BANP: variants seen among roughly 807,000 people sequenced by gnomAD.
The protein encoded by BANP is BTG3 associated nuclear protein.
Under a neutral mutation model 68.1 loss-of-function variants are expected in BANP, and 11 were observed. That is an observed-to-expected ratio of 0.16 (90% CI 0.10 to 0.27). BANP has a LOEUF of 0.27. Ranked by LOEUF, BANP falls within the 10% of genes least tolerant of loss-of-function variation. The probability of loss-of-function intolerance (pLI) is 1.00; values close to 1 mark genes in which losing one functional copy is unlikely to be tolerated. For synonymous variants in BANP, 329 were observed against 303.2 expected (o/e 1.09, Z -0.88); for missense variants, 504 against 722.7 (o/e 0.70, Z 3.47).
intron 6 of BANP, among the ~76,000 whole-genome samples, chr16:88,015,613 G>A (rs536606505): frequency 4.6e-5 from 7 of 152,318 alleles, no homozygotes; most frequent in African/African-American, 9.6e-5. Flanking sequence ...GGGGTCACCC[G>A]TTCTCGTCTG....
At chr16:87,950,450 T>C (rs1253229568), upstream of BANP, 1 of 152,082 alleles carries the variant, frequency 6.6e-6, no homozygotes, top group Non-Finnish European at 1.5e-5. Context: ...CTTTTTTTTT[T>C]TTTGAGACAG....
intron 1 of BANP, among the ~76,000 whole-genome samples, chr16:87,953,023 T>G (rs1170915434): frequency 6.6e-6 from 1 of 152,144 alleles, no homozygotes; most frequent in East Asian, 1.9e-4. Flanking sequence ...CCATTTGTGA[T>G]TCCACGCTGC....
chr16:88,010,780 G>T (rs2072861194), intron 6 of BANP, among the ~76,000 whole-genome samples: 2 of 152,210 alleles, frequency 1.3e-5, no homozygotes, highest in East Asian at 1.9e-4. Context: ...GCTATGCTGT[G>T]CCGATTCACA....
At chr16:88,035,080 T>G (rs1465395982) in intron 9 of BANP, 11 of 512,096 alleles carry the variant, frequency 2.1e-5, no homozygotes, top group Non-Finnish European at 3.9e-5. Flanking sequence ...CCATCCACAG[T>G]TTCTGGCGTC....
chr16:88,063,443 C>G (rs1256274187), intron 11 of BANP, among the ~76,000 whole-genome samples: 1 of 152,218 alleles, frequency 6.6e-6, no homozygotes, highest in East Asian at 1.9e-4. Flanking sequence ...CCACATATGG[C>G]AAACATATGA....
intron 1 of BANP, chr16:87,966,824 A>T (rs2060103647): frequency 6.6e-6 from 1 of 152,336 alleles, no homozygotes; most frequent in Non-Finnish European, 1.5e-5. Context: ...TGGGCTCCAG[A>T]ATACCCTGTT....
intron 11 of BANP, among the ~76,000 whole-genome samples, chr16:88,054,510 A>C (rs568094672): frequency 1.3e-5 from 2 of 151,790 alleles, no homozygotes; most frequent in Non-Finnish European, 2.9e-5. Context: ...GACCTCTACC[A>C]CCATTGTCCC....
intron 8 of BANP, among the ~76,000 whole-genome samples, chr16:88,031,040 C>G (rs537582282): frequency 6.6e-6 from 1 of 152,302 alleles, no homozygotes; most frequent in South Asian, 2.1e-4. Context: ...GGGCTTCAGC[C>G]CAGCTGGGAT....
chr16:88,067,905 A>C (rs1293755947), intron 12 of BANP, among the ~76,000 whole-genome samples: 1 of 152,124 alleles, frequency 6.6e-6, no homozygotes, highest in East Asian at 1.9e-4. Context: ...CCGCAGTTAC[A>C]CGTTGCACGG....
intron 13 of BANP, among the ~76,000 whole-genome samples, chr16:88,074,283 G>A (rs113495676): frequency 2.0e-5 from 3 of 152,186 alleles, no homozygotes; most frequent in Admixed American, 6.5e-5. Flanking sequence ...GCTTGAGCTC[G>A]TTCTAGGAAA....
At chr16:87,960,072 G>T (rs943897568) in intron 1 of BANP, 4 of 152,482 alleles carry the variant, frequency 2.6e-5, no homozygotes, top group African/African-American at 2.4e-5. Flanking sequence ...CTGGGAGACA[G>T]TCCCAAGGGG....
chr16:88,039,882 G>A (rs958226240), intron 11 of BANP, among the ~76,000 whole-genome samples: 9 of 152,170 alleles, frequency 5.9e-5, no homozygotes, highest in African/African-American at 1.9e-4. Context: ...TCATTCCCGG[G>A]TCTTCCGTGG....
At chr16:87,968,995 T>A (rs1317044976) in intron 1 of BANP, among the ~76,000 whole-genome samples, 1 of 152,218 alleles carries the variant, frequency 6.6e-6, no homozygotes, top group East Asian at 1.9e-4. Flanking sequence ...GTCTTCTGTA[T>A]CTTAACCTGG....
chr16:87,950,579 G>T (rs2056713579), upstream of BANP: 1 of 152,070 alleles, frequency 6.6e-6, no homozygotes, highest in Non-Finnish European at 1.5e-5. Flanking sequence ...GGATTACAAG[G>T]CGCCCGCCAC....
chr16:87,956,149 A>T (rs375004343), intron 1 of BANP, among the ~76,000 whole-genome samples: 1 of 152,228 alleles, frequency 6.6e-6, no homozygotes, highest in East Asian at 1.9e-4. Flanking sequence ...ACAAATCCCA[A>T]AAACTCCAGT....
chr16:88,061,315 C>T (rs1033666674), intron 11 of BANP, among the ~76,000 whole-genome samples: 2 of 152,138 alleles, frequency 1.3e-5, no homozygotes, highest in African/African-American at 2.4e-5. Flanking sequence ...CCTTTTTTGG[C>T]CTGAAGGACG....
At chr16:88,067,408 G>A (rs900497123) in intron 12 of BANP, among the ~76,000 whole-genome samples, 3 of 152,206 alleles carry the variant, frequency 2.0e-5, no homozygotes, top group Admixed American at 6.5e-5. Context: ...GAGGAGACTC[G>A]AGCTGGAACC....
chr16:88,008,192 G>A (rs1338734551), intron 6 of BANP, among the ~76,000 whole-genome samples: 1 of 152,168 alleles, frequency 6.6e-6, no homozygotes, highest in East Asian at 1.9e-4. Context: ...GCCGAGGTAT[G>A]GATGGCCCTC....
Position 88,004,925 on chromosome 16 carries a change from G to A in BANP, c.479+514G>A, listed in dbSNP as rs1186836398. Among the ~76,000 whole-genome samples the A allele has an allele frequency of 2.0e-5, 3 of 152,232 alleles. No homozygotes were observed. Among genetic ancestry groups the A allele is most frequent in the Non-Finnish European group, 4.4e-5 (3 of 68,040 alleles). ...CCCCGCTCTGTGTGAGGGGAAGGCTGTGCAGTGGCCTCTGGCTGGCATCCA... is the reference window on the plus strand; with the variant it reads ...CCCCGCTCTGTGTGAGGGGAAGGCTATGCAGTGGCCTCTGGCTGGCATCCA... On this transcript the variant is annotated intron_variant, in intron 5 of 13. Coordinates refer to ENST00000682872, the MANE Select transcript of BANP (RefSeq NM_001386991.1). The surrounding 1 kb of genome is among the most constrained non-coding windows in gnomAD (Gnocchi z 7.0).
Sources: allele counts gnomAD v4.1 joint callset (sites outside exome capture counted in the v4.1 genomes callset), GRCh38; gene constraint gnomAD v4.1.1; non-coding constraint Gnocchi (gnomAD v3.1); transcripts MANE v1.5; gene names NCBI Gene and HGNC (gene_info 2026-07-23, HGNC 2026-07-21).